EXOC6B: variants seen among roughly 807,000 people sequenced by gnomAD.
EXOC6B encodes SEC15 homolog B.
A neutral mutation model predicts 113.5 loss-of-function variants in EXOC6B; 54 were observed. The ratio of observed to expected loss-of-function variants is 0.48; its 90% CI spans 0.38 to 0.60. The LOEUF (loss-of-function observed/expected upper bound fraction) is 0.60, where lower values mean the gene tolerates loss of function less well. Among genes scored for constraint, EXOC6B ranks in the 20% least tolerant of loss-of-function variants. The pLI is 0.00. For synonymous variants in EXOC6B, 357 were observed against 339.0 expected, an observed-to-expected ratio of 1.05 and a Z score of -0.58; for missense variants, 797 against 977.5, an observed-to-expected ratio of 0.82 and a Z score of 2.46.
At chr2:72,717,971 A>G in intron 6 of EXOC6B, 132 bp downstream of exon 6, 1 of 614,126 alleles carries the variant, frequency 1.6e-6, no homozygotes, top group Non-Finnish European at 2.7e-6. Flanking sequence ...TGTTTCCATA[A>G]ATATGAAGGA....
intron 18 of EXOC6B, among the ~76,000 whole-genome samples, chr2:72,401,494 CATATATATATATATATATAT>C (rs1170388566): frequency 1.2e-4 from 7 of 59,644 alleles, no homozygotes. Flanking sequence ...ATTTTATATA[CATATATATATATATATATAT>C]ACATATATAC....
intron 6 of EXOC6B, among the ~76,000 whole-genome samples, chr2:72,713,359 C>T (rs1457216330): frequency 6.6e-6 from 1 of 151,964 alleles, no homozygotes; most frequent in African/African-American, 2.4e-5. Flanking sequence ...AAGAAGCATA[C>T]TTAGAAATGT....
At chr2:72,500,879 T>A (rs1700283503) in intron 11 of EXOC6B, among the ~76,000 whole-genome samples, 1 of 152,162 alleles carries the variant, frequency 6.6e-6, no homozygotes, top group South Asian at 2.1e-4. Flanking sequence ...GCTTGTCCGT[T>A]TCTCTTCATA....
At chr2:72,408,619 G>A (rs925467571) in intron 18 of EXOC6B, among the ~76,000 whole-genome samples, 6 of 152,156 alleles carry the variant, frequency 3.9e-5, no homozygotes, top group East Asian at 1.9e-4. Context: ...ATGGGGGAAC[G>A]ACTCCCTATT....
intron 11 of EXOC6B, among the ~76,000 whole-genome samples, chr2:72,507,936 C>CA (rs1187513865): frequency 3.4e-5 from 3 of 87,562 alleles, no homozygotes; most frequent in Non-Finnish European, 4.7e-5. Context: ...ATCAGGAACA[C>CA]AAAAAAACAT....
At chr2:72,579,032 G>A (rs1705043686) in intron 6 of EXOC6B, among the ~76,000 whole-genome samples, 1 of 152,008 alleles carries the variant, frequency 6.6e-6, no homozygotes, top group East Asian at 1.9e-4. Context: ...ACTGAGAGAA[G>A]ACAAAGACTG....
intron 6 of EXOC6B, among the ~76,000 whole-genome samples, chr2:72,700,183 G>C (rs1432926292): frequency 2.6e-5 from 4 of 151,250 alleles, no homozygotes; most frequent in Non-Finnish European, 2.9e-5. Context: ...GCCACTGGCT[G>C]AATCTGTGGA....
chr2:72,256,675 A>G (rs1683371996), intron 20 of EXOC6B, among the ~76,000 whole-genome samples: 1 of 152,204 alleles, frequency 6.6e-6, no homozygotes, highest in South Asian at 2.1e-4. Flanking sequence ...CTCAGCCCTC[A>G]TCACACTGCC....
At chr2:72,804,467 C>T (rs1685466048) in intron 1 of EXOC6B, among the ~76,000 whole-genome samples, 2 of 152,202 alleles carry the variant, frequency 1.3e-5, no homozygotes, top group East Asian at 1.9e-4. Context: ...ATCTGATGAA[C>T]GGAACCTAAT....
At chr2:72,489,114 A>G (rs1699597554) in intron 16 of EXOC6B, among the ~76,000 whole-genome samples, 1 of 152,194 alleles carries the variant, frequency 6.6e-6, no homozygotes, top group Admixed American at 6.5e-5. Flanking sequence ...AGGTGCTGCT[A>G]TAAAAATAAA....
chr2:72,663,816 T>G (rs560001664), intron 6 of EXOC6B, among the ~76,000 whole-genome samples: 1 of 152,158 alleles, frequency 6.6e-6, no homozygotes, highest in African/African-American at 2.4e-5. Flanking sequence ...GAATATACAA[T>G]GCAAAAGGTA....
intron 1 of EXOC6B, among the ~76,000 whole-genome samples, chr2:72,810,134 T>C (rs1387045022): frequency 1.3e-5 from 2 of 152,076 alleles, no homozygotes; most frequent in Non-Finnish European, 2.9e-5. Flanking sequence ...CAACACTCTT[T>C]TAAATAATTA....
chr2:72,250,629 T>C (rs1682954417), intron 20 of EXOC6B, among the ~76,000 whole-genome samples: 1 of 151,924 alleles, frequency 6.6e-6, no homozygotes, highest in Admixed American at 6.6e-5. Flanking sequence ...CAGGTGTATG[T>C]CACTGCACCT....
chr2:72,643,000 A>T (rs1673382968), intron 6 of EXOC6B, among the ~76,000 whole-genome samples: 1 of 152,068 alleles, frequency 6.6e-6, no homozygotes, highest in African/African-American at 2.4e-5. Flanking sequence ...TGCAGCCAAA[A>T]AACATGAAAA....
At chr2:72,296,448 AAAGATAATTCATTATTTATTGAGAG>A (rs1286184299) in intron 20 of EXOC6B, among the ~76,000 whole-genome samples, 8 of 152,196 alleles carry the variant, frequency 5.3e-5, no homozygotes, top group Non-Finnish European at 7.4e-5. Context: ...ATATTTAGAT[AAAGATAATTCATTATTTATTGAGAG>A]ACCCATATGT....
At chr2:72,487,768 G>A (rs1351813127) in intron 16 of EXOC6B, among the ~76,000 whole-genome samples, 1 of 152,144 alleles carries the variant, frequency 6.6e-6, no homozygotes, top group East Asian at 1.9e-4. Context: ...GGTTTAGGGA[G>A]GGAGAACACA....
intron 14 of EXOC6B, among the ~76,000 whole-genome samples, chr2:72,495,998 A>AT (rs372953403): frequency 9.3e-5 from 14 of 150,590 alleles, no homozygotes; most frequent in South Asian, 4.2e-4. Flanking sequence ...TCATTAAATA[A>AT]TTTTTTTTTT....
chr2:72,753,717 A>T (rs1359422726), intron 1 of EXOC6B, among the ~76,000 whole-genome samples: 1 of 152,084 alleles, frequency 6.6e-6, no homozygotes, highest in African/African-American at 2.4e-5. Flanking sequence ...CATGTCCAGC[A>T]TTATCTCTGA....
intron 20 of EXOC6B, among the ~76,000 whole-genome samples, chr2:72,228,624 C>T (rs1405547153): frequency 1.3e-5 from 2 of 152,142 alleles, no homozygotes; most frequent in Non-Finnish European, 2.9e-5. Context: ...CATAGTATTC[C>T]ATGGTGTATA....
Sources: allele counts gnomAD v4.1 joint callset (sites outside exome capture counted in the v4.1 genomes callset), GRCh38; gene constraint gnomAD v4.1.1; transcripts MANE v1.5; gene names NCBI Gene and HGNC (gene_info 2026-07-23, HGNC 2026-07-21).